Variants in ATP2A1 observed in about 807,000 individuals in gnomAD.
The protein encoded by ATP2A1 is ATPase sarcoplasmic/endoplasmic reticulum Ca2+ transporting 1.
ATP2A1 carries 83 observed loss-of-function variants against 109.5 expected under a neutral mutation model. The observed-to-expected ratio is 0.76, with a 90% confidence interval of 0.63 to 0.91. The LOEUF (loss-of-function observed/expected upper bound fraction) is 0.91. Ranked by LOEUF, ATP2A1 falls within the 40% of genes least tolerant of loss-of-function variation. The pLI, the probability that ATP2A1 is intolerant of heterozygous loss-of-function variation, is 0.00. For synonymous variants in ATP2A1, 505 were observed against 537.6 expected (o/e 0.94, Z 0.84); for missense variants, 1,101 against 1,341.0 (o/e 0.82, Z 2.80).
In ATP2A1 at chr16:28,879,249, G is replaced by A; in HGVS notation, c.136+133G>A. 3 of 1,227,320 alleles carry A rather than the reference G, an allele frequency of 2.4e-6. No homozygotes were observed. In the Admixed American group the frequency reaches 5.2e-5, roughly 21 times the overall value. The allele number at this position is 1,227,320 out of a possible 1,614,324, so 76.0% of individuals were successfully genotyped here. On this transcript the variant is annotated intron_variant, in intron 2 of 22. Transcript: ENST00000395503. ...CAAAAGGCAAATCTCCCTCCCTAAA[G>A]GTTAGAGTCCTGTCCGGGGCAGAAG...
intron 12 of ATP2A1, among the ~76,000 whole-genome samples, chr16:28,896,786 TG>T (rs1289188272): frequency 6.7e-6 from 1 of 150,060 alleles, no homozygotes; most frequent in African/African-American, 2.5e-5. Flanking sequence ...GGTGTGATCC[TG>T]GGTTCAAGTG....
chr16:28,904,121 T>C, intron 22 of ATP2A1, 59 bp from the exon 23 acceptor site: 1 of 1,481,348 alleles, frequency 6.8e-7, no homozygotes, highest in Admixed American at 1.7e-5. Context: ...GAGATGCACC[T>C]GGGAGGGACC....
intron 1 of ATP2A1, 113 bp downstream of exon 1, chr16:28,878,902 C>A: frequency 7.3e-7 from 1 of 1,370,042 alleles, no homozygotes; most frequent in Non-Finnish European, 1.0e-6. Flanking sequence ...AAGAGCTGGG[C>A]CGTTGTCCAA....
At chr16:28,895,094 C>T in intron 12 of ATP2A1, 141 bp downstream of exon 12, 1 of 1,280,728 alleles carries the variant, frequency 7.8e-7, no homozygotes, top group South Asian at 1.3e-5. Context: ...TGCAGCTTCT[C>T]CACAGGCTGA....
rs751510265 is a variant in ATP2A1, at chr16:28,902,386, G to A, written c.2524G>A (p.Gly842Ser). ...WLFFRYMAIG[G>S]YVGAATVGAA... The stretch of plus-strand genomic sequence containing the variant: ...CTTCTTCCGCTACATGGCAATCGGG[G>A]GTGAGCTGGAGGGGTTCCTCGATCC... Residue 842 changes from glycine to serine, a missense_variant and splice_region_variant, in exon 17 of 23, where the codon GGC becomes AGC. Gly to Ser is a moderately conservative substitution (Grantham distance 56). Transcript: ENST00000395503. This position sits in a 1 kb window ranked among gnomAD's most constrained non-coding sequence, Gnocchi z 4.8. The A allele has an allele frequency of 1.4e-5, 22 of 1,613,776 alleles. No individual in the cohort carries two copies. The Middle Eastern group carries it at 6.6e-4, about 48-fold the overall frequency.
chr16:28,881,093 C>T (rs1430588632), intron 4 of ATP2A1, 74 bp downstream of exon 4: 10 of 1,414,208 alleles, frequency 7.1e-6, no homozygotes, highest in Middle Eastern at 1.8e-4. Flanking sequence ...CCAGTCTCCT[C>T]CTCCTCCATC....
At chr16:28,896,918 A>G (rs1427803333) in intron 12 of ATP2A1, among the ~76,000 whole-genome samples, 2 of 151,724 alleles carry the variant, frequency 1.3e-5, no homozygotes, top group Non-Finnish European at 2.9e-5. Context: ...GTCTACTACT[A>G]AAAAATACAA....
intron 15 of ATP2A1, 48 bp from the exon 16 acceptor site, chr16:28,901,815 G>A: frequency 6.6e-7 from 1 of 1,513,268 alleles, no homozygotes; most frequent in Non-Finnish European, 9.1e-7. Context: ...TTTTAAAAAG[G>A]AGGGATGTGT....
rs1191526677 is a variant in ATP2A1, at chr16:28,899,643, G to GCC, written c.1765-936_1765-935dup. On this transcript the variant is annotated intron_variant, in intron 14 of 22. Transcript: ENST00000395503. ...AACAGAGCGAGACTCCATCCCCTGC[G>GCC]CCCGCCCCCCCCCCCCCGAAAAAGA... 9.2e-4 allele frequency among the ~76,000 whole-genome samples: 7 copies of GCC among 7,602 alleles called. 2 individuals are homozygous for GCC. The highest frequency in any genetic ancestry group is 2.0e-3 in the Non-Finnish European group (6 of 3,000). The allele number at this position is 7,602 out of a possible 152,430, so 5.0% of individuals were successfully genotyped here.
intron 12 of ATP2A1, among the ~76,000 whole-genome samples, chr16:28,895,549 GAC>G (rs1214334185): frequency 5.3e-5 from 8 of 152,014 alleles, no homozygotes; most frequent in Non-Finnish European, 7.4e-5. Context: ...AAGCGGGCCA[GAC>G]ACAGAGACTC....
At chr16:28,889,100 G>A in intron 9 of ATP2A1, 147 bp downstream of exon 9, 1 of 1,210,258 alleles carries the variant, frequency 8.3e-7, no homozygotes. Context: ...ACGCCATCCT[G>A]TCTGCCATGA....
intron 14 of ATP2A1, among the ~76,000 whole-genome samples, chr16:28,899,290 T>C (rs974486379): frequency 1.3e-5 from 2 of 152,236 alleles, no homozygotes; most frequent in African/African-American, 4.8e-5. Context: ...GGTCACGTAG[T>C]GGCACTGCCA....
intron 12 of ATP2A1, among the ~76,000 whole-genome samples, chr16:28,896,176 A>G (rs1963911301): frequency 6.6e-6 from 1 of 152,120 alleles, no homozygotes; most frequent in Non-Finnish European, 1.5e-5. Flanking sequence ...AGAAGTATCC[A>G]TGATACATTT....
intron 3 of ATP2A1, chr16:28,879,804 C>T (rs1963402464): frequency 1.5e-6 from 1 of 673,280 alleles, no homozygotes; most frequent in Non-Finnish European, 2.5e-6. Flanking sequence ...GTGTTCTCAG[C>T]CAAAACACCG....
chr16:28,879,104 C>A lies in ATP2A1; in HGVS notation c.124C>A (p.Pro42Thr). The change falls in exon 2 of 23, where the codon CCT becomes ACT. Residue 42 changes from proline to threonine, a missense_variant. Coordinates refer to ENST00000395503, the MANE Select transcript of ATP2A1 (RefSeq NM_004320.6). ...TTCTTCTTTTTCCTGGGTAGAGCTC[C>A]CTGCTGAGGAAGGTAAGTTACTGGA... ...NLEKYGLNEL[P>T]AEEGKTLWEL... The A allele has an allele frequency of 6.2e-7, 1 of 1,614,048 alleles. No individual in the cohort carries two copies. The highest frequency in any genetic ancestry group is 8.5e-7 in the Non-Finnish European group (1 of 1,179,996).
chr16:28,900,487 G>GA, intron 14 of ATP2A1, 94 bp from the exon 15 acceptor site: 1 of 1,026,928 alleles, frequency 9.7e-7, no homozygotes, highest in Non-Finnish European at 1.3e-6. Flanking sequence ...ACCACTTCCT[G>GA]ACCTTTCACC....
At chr16:28,899,351 C>A (rs1964000252) in intron 14 of ATP2A1, among the ~76,000 whole-genome samples, 1 of 152,198 alleles carries the variant, frequency 6.6e-6, no homozygotes, top group African/African-American at 2.4e-5. Flanking sequence ...CTATGAAACA[C>A]ACATTTTGGC....
intron 9 of ATP2A1, chr16:28,892,395 C>A: frequency 2.6e-6 from 1 of 380,516 alleles, no homozygotes; most frequent in South Asian, 2.0e-5. Flanking sequence ...CTAGAAATTG[C>A]TGTTCTGAGA....
rs140944847 is a variant in ATP2A1 at position 28,898,258 on chromosome 16, G to A, written c.1571G>A (p.Arg524His). 3.8e-5 allele frequency: 61 copies of A among 1,614,238 alleles called. No homozygotes were observed. Among genetic ancestry groups the A allele is most frequent in the Non-Finnish European group, 4.5e-5 (53 of 1,180,050 alleles). ...VKGAPEGVID[R>H]CNYVRVGTTR... is the part of the protein sequence containing the mutation. ...GGTGCCCCTGAGGGCGTCATCGACCGCTGTAACTATGTGCGAGTTGGCACC... is the reference window on the plus strand; with the variant it reads ...GGTGCCCCTGAGGGCGTCATCGACCACTGTAACTATGTGCGAGTTGGCACC... The change falls in exon 14 of 23, where the codon CGC becomes CAC. Residue 524 changes from arginine to histidine, a missense_variant. By Grantham distance (29) the Arg-to-His change is conservative. Coordinates refer to ENST00000395503, the MANE Select transcript of ATP2A1 (RefSeq NM_004320.6). This position sits in a 1 kb window ranked among gnomAD's most constrained non-coding sequence, Gnocchi z 4.0.
Sources: allele counts gnomAD v4.1 joint callset (sites outside exome capture counted in the v4.1 genomes callset), GRCh38; gene constraint gnomAD v4.1.1; non-coding constraint Gnocchi (gnomAD v3.1); transcripts MANE v1.5; gene names NCBI Gene and HGNC (gene_info 2026-07-23, HGNC 2026-07-21).